LINGO2: variants seen among roughly 807,000 people sequenced by gnomAD.
LINGO2 encodes the protein leucine-rich repeat and immunoglobulin-like domain-containing nogo receptor-interacting protein 2.
LINGO2 carries 14 observed loss-of-function variants against 30.6 expected under a neutral mutation model. That is an observed-to-expected ratio of 0.46 (90% CI 0.30 to 0.72). LINGO2 has a LOEUF of 0.72. LINGO2 is among the 30% of genes least tolerant of loss of function. The probability of loss-of-function intolerance (pLI) is 0.07; values close to 1 mark genes in which losing one functional copy is unlikely to be tolerated. For synonymous variants in LINGO2, 317 were observed against 288.5 expected (o/e 1.10, Z -1.00); for missense variants, 729 against 751.7 (o/e 0.97, Z 0.35).
the LINGO2 span, among the ~76,000 whole-genome samples, chr9:28,714,008 A>C: frequency 6.6e-6 from 1 of 151,760 alleles, no homozygotes; most frequent in South Asian, 2.1e-4. Context: ...AAATAGAAAA[A>C]TTTAGCCGGG....
chr9:28,519,894 T>C (rs1820767784), intron 1 of LINGO2, among the ~76,000 whole-genome samples: 1 of 152,200 alleles, frequency 6.6e-6, no homozygotes, highest in Non-Finnish European at 1.5e-5. Flanking sequence ...CTGGATGTCT[T>C]ATGGTTTTAC....
chr9:28,467,468 A>T (rs139953657), intron 2 of LINGO2, among the ~76,000 whole-genome samples: 1 of 152,294 alleles, frequency 6.6e-6, no homozygotes, highest in East Asian at 1.9e-4. Context: ...CATATTTTTT[A>T]GTCATTGGAA....
At position 28,053,843 on chromosome 9, in the gene LINGO2, T is replaced by C. The variant is rs534164937; in HGVS notation, c.-86-41438A>G. Among the ~76,000 whole-genome samples the C allele has an allele frequency of 1.1e-4, 17 of 152,200 alleles. No individual in the cohort carries two copies. The South Asian group carries it at 3.5e-3, about 32-fold the overall frequency. ...TGTTTTCAGCTAAACCATGAGGTACTTGCACTCTAATTGGGAACACAGCTC... is the reference window on the plus strand; with the variant it reads ...TGTTTTCAGCTAAACCATGAGGTACCTGCACTCTAATTGGGAACACAGCTC... On this transcript the variant is annotated intron_variant, in intron 4 of 5. Transcript: ENST00000379992.
At chr9:28,471,120 G>T (rs1825502222) in intron 2 of LINGO2, among the ~76,000 whole-genome samples, 1 of 151,932 alleles carries the variant, frequency 6.6e-6, no homozygotes, top group African/African-American at 2.4e-5. Context: ...AGGAATTGTT[G>T]ATCTGGTATA....
the LINGO2 span, among the ~76,000 whole-genome samples, chr9:29,152,563 C>T: frequency 1.3e-5 from 2 of 152,132 alleles, no homozygotes; most frequent in Non-Finnish European, 2.9e-5. Context: ...AAACTTTATA[C>T]CACACATTTT....
At chr9:28,837,649 A>AAAATAT in the LINGO2 span, among the ~76,000 whole-genome samples, 1 of 75,794 alleles carries the variant, frequency 1.3e-5, no homozygotes, top group Non-Finnish European at 2.5e-5. Flanking sequence ...CTCCGTCTAA[A>AAAATAT]ATATATATAT....
At chr9:28,505,384 A>C (rs985368844) in intron 1 of LINGO2, among the ~76,000 whole-genome samples, 5 of 151,912 alleles carry the variant, frequency 3.3e-5, no homozygotes, top group African/African-American at 1.2e-4. Context: ...AAGGGGTTAG[A>C]CAAATGAGGG....
intron 4 of LINGO2, among the ~76,000 whole-genome samples, chr9:28,016,448 C>A (rs1822842122): frequency 6.6e-6 from 1 of 152,036 alleles, no homozygotes; most frequent in Non-Finnish European, 1.5e-5. Context: ...GGAAGGAGAA[C>A]TGTATCTGAC....
chr9:28,366,748 A>C (rs1820692968), intron 3 of LINGO2, among the ~76,000 whole-genome samples: 1 of 152,042 alleles, frequency 6.6e-6, no homozygotes, highest in African/African-American at 2.4e-5. Flanking sequence ...TAAATTTTTA[A>C]TATTAAATAC....
At chr9:29,089,124 A>G in the LINGO2 span, among the ~76,000 whole-genome samples, 2 of 152,076 alleles carry the variant, frequency 1.3e-5, no homozygotes, top group African/African-American at 4.8e-5. Context: ...AGCAATTATA[A>G]TAAGTACATT....
At chr9:28,757,079 G>A in the LINGO2 span, among the ~76,000 whole-genome samples, 6 of 151,946 alleles carry the variant, frequency 3.9e-5, no homozygotes, top group African/African-American at 1.5e-4. Flanking sequence ...GTGACTTTTA[G>A]CTTTAACCAG....
the LINGO2 span, among the ~76,000 whole-genome samples, chr9:28,977,700 T>C: frequency 3.3e-5 from 5 of 152,134 alleles, no homozygotes; most frequent in African/African-American, 1.2e-4. Context: ...AAGATCCCGT[T>C]TTTCCCCGTA....
chr9:28,002,775 T>C (rs1822026586), intron 5 of LINGO2, among the ~76,000 whole-genome samples: 1 of 147,590 alleles, frequency 6.8e-6, no homozygotes, highest in Non-Finnish European at 1.5e-5. Context: ...TGTGTGGAGA[T>C]GGCACATTCT....
chr9:28,138,176 A>G (rs139903673), intron 4 of LINGO2, among the ~76,000 whole-genome samples: 1,533 of 152,320 alleles, frequency 0.01, 13 homozygotes, highest in Middle Eastern at 0.024. Flanking sequence ...TCTTAGCTCC[A>G]TCTATCTCAA....
In LINGO2 at chr9:28,195,893, A is replaced by G. The variant is rs865779667; in HGVS notation, c.-87+99315T>C. Among the ~76,000 whole-genome samples the G allele has an allele frequency of 4.3e-4, 65 of 151,964 alleles. No individual in the cohort carries two copies. In the Middle Eastern group the frequency reaches 0.01, roughly 25 times the overall value. ...TTTATTGTATCAATGTAAAGGTTCT[A>G]TATAAGTTATCAGCAAATCAAATTA... On this transcript the variant is annotated intron_variant, in intron 4 of 5. Coordinates refer to ENST00000379992, the Ensembl canonical transcript of LINGO2.
chr9:28,885,485 G>T, the LINGO2 span, among the ~76,000 whole-genome samples: 3 of 54,680 alleles, frequency 5.5e-5, no homozygotes, highest in Admixed American at 2.0e-4. Context: ...ACATATACAC[G>T]TTTATATATA....
chr9:28,233,106 GT>G (rs1821431414), intron 4 of LINGO2, among the ~76,000 whole-genome samples: 1 of 144,694 alleles, frequency 6.9e-6, no homozygotes, highest in South Asian at 2.2e-4. Context: ...ATATATGTGT[GT>G]GGGGGGGTCT....
the LINGO2 span, among the ~76,000 whole-genome samples, chr9:29,171,469 T>C: frequency 6.6e-6 from 1 of 152,058 alleles, no homozygotes; most frequent in Non-Finnish European, 1.5e-5. Context: ...TCTTGGTATT[T>C]GGATTTCCGT....
At chr9:28,447,881 A>C (rs1226958535) in intron 2 of LINGO2, among the ~76,000 whole-genome samples, 1 of 152,182 alleles carries the variant, frequency 6.6e-6, no homozygotes, top group East Asian at 1.9e-4. Context: ...TATTGATTAC[A>C]GTAAGGCAGT....
Sources: gnomAD v4.1 joint callset for allele counts (sites outside exome capture counted in the v4.1 genomes callset) on GRCh38, gnomAD v4.1.1 for gene constraint, MANE v1.5 for transcripts, NCBI Gene and HGNC (gene_info 2026-07-23, HGNC 2026-07-21) for gene names.